Variants in MAST4 observed in about 807,000 individuals in gnomAD.
MAST4 encodes microtubule-associated serine/threonine-protein kinase 4.
Under a neutral mutation model 162.7 loss-of-function variants are expected in MAST4, and 89 were observed. That is an observed-to-expected ratio of 0.55 (90% CI 0.46 to 0.65). MAST4 has a LOEUF of 0.65. MAST4 is among the 30% of genes least tolerant of loss of function. MAST4 has a pLI of 0.00. For missense variants in MAST4, 3,153 were observed against 3,374.0 expected, an observed-to-expected ratio of 0.93 and a Z score of 1.62; for synonymous variants, 1,479 against 1,361.1, an observed-to-expected ratio of 1.09 and a Z score of -1.91.
intron 4 of MAST4, among the ~76,000 whole-genome samples, chr5:66,917,805 C>G (rs1473458726): frequency 3.3e-5 from 5 of 152,078 alleles, no homozygotes; most frequent in Non-Finnish European, 7.4e-5. Context: ...TTTCTAGTGA[C>G]TTATAATTTC....
intron 5 of MAST4, among the ~76,000 whole-genome samples, chr5:67,078,913 T>TAAATAA (rs1184932403): frequency 0.14 from 8,892 of 62,748 alleles, 819 homozygotes; most frequent in African/African-American, 0.2. Context: ...TTTATATAAA[T>TAAATAA]ATATATATAT....
chr5:66,938,889 A>T (rs1220643315), intron 4 of MAST4, among the ~76,000 whole-genome samples: 1 of 152,196 alleles, frequency 6.6e-6, no homozygotes, highest in Admixed American at 6.6e-5. Context: ...AAAGTTCTTT[A>T]TAGAGATAAT....
intron 4 of MAST4, among the ~76,000 whole-genome samples, chr5:67,007,122 A>G (rs1278045941): frequency 6.6e-6 from 1 of 152,074 alleles, no homozygotes; most frequent in East Asian, 1.9e-4. Flanking sequence ...CTCCAGGGCA[A>G]TGTATGTGGC....
chr5:66,707,529 C>G (rs1219184159), intron 1 of MAST4, among the ~76,000 whole-genome samples: 1 of 152,166 alleles, frequency 6.6e-6, no homozygotes, highest in African/African-American at 2.4e-5. Flanking sequence ...ATTATGAGTC[C>G]TTGCTTCTCA....
At position 67,163,550 on chromosome 5, in the gene MAST4, CAAG is replaced by C. The variant is rs868244450; in HGVS notation, c.4375_4377del (p.Lys1459del). The C allele has an allele frequency of 1.3e-6, 2 of 1,598,072 alleles. No individual in the cohort carries two copies. The highest frequency in any genetic ancestry group is 1.7e-6 in the Non-Finnish European group (2 of 1,172,888). On this transcript the variant is annotated inframe_deletion, in exon 29 of 29. Transcript: ENST00000403625. This position sits in a 1 kb window ranked among gnomAD's most constrained non-coding sequence, Gnocchi z 7.0. ...AGCTGTCGCCCTCTTACGGCAGTGACAAGAAGCACCTGTGCTCCCGCAAGCACA... is the reference window on the plus strand; with the variant it reads ...AGCTGTCGCCCTCTTACGGCAGTGACAAGCACCTGTGCTCCCGCAAGCACA...
chr5:67,009,652 A>T (rs999199081), intron 4 of MAST4, among the ~76,000 whole-genome samples: 6 of 152,226 alleles, frequency 3.9e-5, no homozygotes, highest in African/African-American at 1.4e-4. Context: ...TTAGCTGTTA[A>T]TATTACTGCT....
intron 4 of MAST4, among the ~76,000 whole-genome samples, chr5:67,053,829 G>A (rs1415038818): frequency 6.6e-6 from 1 of 152,114 alleles, no homozygotes; most frequent in Non-Finnish European, 1.5e-5. Context: ...AATACACTGG[G>A]ATCTGATTTT....
At chr5:66,837,888 ATATATATTTTTTTTTT>A (rs1346275832) in intron 3 of MAST4, among the ~76,000 whole-genome samples, 16 of 34,932 alleles carry the variant, frequency 4.6e-4, no homozygotes, top group African/African-American at 2.0e-3. Context: ...ATATATATAT[ATATATATTTTTTTTTT>A]TTTTTTTTTT....
At chr5:66,784,725 T>C (rs868363054) in intron 2 of MAST4, among the ~76,000 whole-genome samples, 3 of 152,286 alleles carry the variant, frequency 2.0e-5, no homozygotes, top group Non-Finnish European at 4.4e-5. Context: ...GTGGTGGTGG[T>C]GGAGGATGCA....
chr5:67,096,812 T>A (rs948171592), intron 7 of MAST4, among the ~76,000 whole-genome samples: 10 of 152,212 alleles, frequency 6.6e-5, no homozygotes, highest in African/African-American at 2.4e-4. Context: ...CATTTTGTTG[T>A]GATATATGAG....
At chr5:66,849,722 A>G (rs1045535228) in intron 3 of MAST4, among the ~76,000 whole-genome samples, 6 of 152,270 alleles carry the variant, frequency 3.9e-5, no homozygotes, top group African/African-American at 1.4e-4. Flanking sequence ...TGCCCCCGTT[A>G]CATCCCCAAT....
intron 3 of MAST4, among the ~76,000 whole-genome samples, chr5:66,880,315 G>A (rs141560396): frequency 6.6e-6 from 1 of 152,340 alleles, no homozygotes; most frequent in African/African-American, 2.4e-5. Flanking sequence ...ACTTAGAACA[G>A]TGGTTCTCTC....
intron 3 of MAST4, among the ~76,000 whole-genome samples, chr5:66,860,596 G>T (rs898488669): frequency 6.8e-6 from 1 of 146,768 alleles, no homozygotes. Context: ...TCTTGGCAAA[G>T]ATCACCTTTT....
At chr5:66,835,440 G>A (rs1473804045) in intron 3 of MAST4, among the ~76,000 whole-genome samples, 3 of 151,902 alleles carry the variant, frequency 2.0e-5, no homozygotes, top group Non-Finnish European at 2.9e-5. Context: ...CCCTTTTTAC[G>A]AGTAGTGTGG....
In MAST4 at chr5:66,850,172, G is replaced by T. The variant is rs886717849; in HGVS notation, c.643-49779G>T. 8.5e-5 allele frequency among the ~76,000 whole-genome samples: 13 copies of T among 152,226 alleles called. No homozygotes were observed. In the East Asian group the frequency reaches 2.5e-3, roughly 29 times the overall value. On this transcript the variant is annotated intron_variant, in intron 3 of 28. Coordinates refer to ENST00000403625, the MANE Select transcript of MAST4 (RefSeq NM_001164664.2). ...AAAATAAAAAATAAAGCATTCTTTT[G>T]CCTCAACAGCTGAAGCCCGAGGTGC... is the stretch of plus-strand genomic sequence containing the variant.
In MAST4 at chr5:67,163,477, C is replaced by T; in HGVS notation, c.4298C>T (p.Ala1433Val). 1.2e-6 allele frequency: 2 copies of T among 1,613,330 alleles called. No individual in the cohort carries two copies. The highest frequency in any genetic ancestry group is 1.7e-6 in the Non-Finnish European group (2 of 1,179,814). The change falls in exon 29 of 29, where the codon GCG (alanine) becomes GTG (valine). Residue 1433 changes from alanine to valine, a missense_variant. Physicochemically the swap from Ala to Val is moderately conservative, Grantham distance 64 (BLOSUM62 0). Around this residue, in one of 7 missense-constraint regions of MAST4, gnomAD observed 619 missense variants for 744.2 expected, o/e 0.83. Transcript: ENST00000403625. The surrounding 1 kb of genome is among the most constrained non-coding windows in gnomAD (Gnocchi z 7.0). ...AGACACATCGTGAGGCCCAAGAGTG[C>T]GGAGCCCCCCAGGTCCCCGCTGCTC... is the stretch of plus-strand genomic sequence containing the variant. ...IVRHIVRPKS[A>V]EPPRSPLLKR...
At chr5:66,628,340 C>CTTTTTTTTT (rs34307265) in intron 1 of MAST4, among the ~76,000 whole-genome samples, 1 of 136,198 alleles carries the variant, frequency 7.3e-6, no homozygotes, top group Admixed American at 7.3e-5. Flanking sequence ...GACTTTTTTT[C>CTTTTTTTTT]TTTTTTTTTT....
At chr5:66,819,014 G>T (rs1207820029) in intron 3 of MAST4, among the ~76,000 whole-genome samples, 1 of 152,150 alleles carries the variant, frequency 6.6e-6, no homozygotes, top group Admixed American at 6.6e-5. Context: ...GCTAGAAGAC[G>T]GAGTTAATGT....
intron 9 of MAST4, among the ~76,000 whole-genome samples, chr5:67,102,957 T>C (rs899284122): frequency 8.5e-5 from 13 of 152,204 alleles, no homozygotes; most frequent in Admixed American, 3.3e-4. Flanking sequence ...GCTGCCACAT[T>C]GTTAAGTAGA....
Sources: allele counts gnomAD v4.1 joint callset (sites outside exome capture counted in the v4.1 genomes callset), GRCh38; gene constraint gnomAD v4.1.1; regional missense constraint gnomAD v4.1.1; non-coding constraint Gnocchi (gnomAD v3.1); transcripts MANE v1.5; gene names NCBI Gene and HGNC (gene_info 2026-07-23, HGNC 2026-07-21).